LRRTM4: variants seen among roughly 807,000 people sequenced by gnomAD.
LRRTM4 encodes the protein leucine rich repeat transmembrane neuronal 4, also known as leucine-rich repeat transmembrane neuronal protein 4.
Under a neutral mutation model 47.6 loss-of-function variants are expected in LRRTM4, and 25 were observed. The ratio of observed to expected loss-of-function variants is 0.53; its 90% CI spans 0.38 to 0.73. The LOEUF is 0.73. Ranked by LOEUF, LRRTM4 falls within the 30% of genes least tolerant of loss-of-function variation. The pLI is 0.00. For synonymous variants in LRRTM4, 311 were observed against 269.5 expected, an observed-to-expected ratio of 1.15 and a Z score of -1.51; for missense variants, 638 against 713.4, an observed-to-expected ratio of 0.89 and a Z score of 1.20.
chr2:77,497,355 C>CT (rs1333923574), intron 3 of LRRTM4, among the ~76,000 whole-genome samples: 19 of 141,242 alleles, frequency 1.3e-4, no homozygotes, highest in Middle Eastern at 7.4e-3. Context: ...TTGATTTGCT[C>CT]TGTTTTTTTT....
At chr2:76,865,298 ACTAGGATTCC>A (rs1672433898) in intron 3 of LRRTM4, among the ~76,000 whole-genome samples, 1 of 152,136 alleles carries the variant, frequency 6.6e-6, no homozygotes, top group Non-Finnish European at 1.5e-5. Flanking sequence ...CTAACAACAC[ACTAGGATTCC>A]CTTTTCAGAA....
chr2:76,814,108 G>A (rs909941717), intron 3 of LRRTM4, among the ~76,000 whole-genome samples: 4 of 151,878 alleles, frequency 2.6e-5, no homozygotes, highest in Non-Finnish European at 5.9e-5. Context: ...CCTCAATTGG[G>A]ATTTTTCTTA....
intron 3 of LRRTM4, among the ~76,000 whole-genome samples, chr2:76,888,478 A>G (rs948424441): frequency 1.3e-5 from 2 of 151,618 alleles, no homozygotes; most frequent in South Asian, 4.1e-4. Flanking sequence ...ATATGTACTC[A>G]TAAGTTTTCC....
rs886954285 is a variant in LRRTM4 at position 76,780,897 on chromosome 2, A to G, written c.1552-31981T>C. ...TTCCCCGTCTTTGTGGTTTTTATCTACTTTTGGTCTTTGATGATGGTGATG... is the reference window on the plus strand; with the variant it reads ...TTCCCCGTCTTTGTGGTTTTTATCTGCTTTTGGTCTTTGATGATGGTGATG... On this transcript the variant is annotated intron_variant, in intron 3 of 3. Transcript: ENST00000409884. Among the ~76,000 whole-genome samples, 4 of 151,220 alleles carry G rather than the reference A, an allele frequency of 2.6e-5. 1 individual carries two copies. The highest frequency in any genetic ancestry group is 2.1e-4 in the South Asian group (1 of 4,792).
chr2:77,485,104 T>G (rs1385047416), intron 3 of LRRTM4, among the ~76,000 whole-genome samples: 3 of 152,108 alleles, frequency 2.0e-5, no homozygotes, highest in African/African-American at 7.2e-5. Flanking sequence ...ATTTAAAGTT[T>G]ATTTTGACAA....
In LRRTM4 at chr2:77,075,160, T is replaced by G. The variant is rs544037538; in HGVS notation, c.1552-326244A>C. The stretch of plus-strand genomic sequence containing the variant: ...TGTTTCTGCTAATACCTGGTAACTT[T>G]GAAGATGAAACAGATCAATGTCAAG... On this transcript the variant is annotated intron_variant, in intron 3 of 3. Transcript: ENST00000409884. 2.5e-4 allele frequency among the ~76,000 whole-genome samples: 38 copies of G among 152,336 alleles called. 1 individual carries two copies. Among genetic ancestry groups the G allele is most frequent in the African/African-American group, 8.7e-4 (36 of 41,582 alleles).
At chr2:77,021,680 C>T (rs894970489) in intron 3 of LRRTM4, among the ~76,000 whole-genome samples, 1 of 152,060 alleles carries the variant, frequency 6.6e-6, no homozygotes, top group Non-Finnish European at 1.5e-5. Context: ...CATGAGTTTA[C>T]CTTGGGGAGG....
intron 3 of LRRTM4, among the ~76,000 whole-genome samples, chr2:76,807,411 T>TATATATATACACAC (rs1558667282): frequency 7.6e-4 from 65 of 86,016 alleles, no homozygotes; most frequent in South Asian, 6.9e-3. Context: ...TATATACGTA[T>TATATATATACACAC]ATATATATAT....
chr2:77,024,838 G>A (rs570858717), intron 3 of LRRTM4, among the ~76,000 whole-genome samples: 2 of 152,224 alleles, frequency 1.3e-5, no homozygotes, highest in South Asian at 2.1e-4. Context: ...TTTCTCTAAG[G>A]ATGTCTGGAA....
chr2:76,780,121 C>G (rs560173691), intron 3 of LRRTM4, among the ~76,000 whole-genome samples: 49 of 152,232 alleles, frequency 3.2e-4, no homozygotes, highest in African/African-American at 9.6e-4. Context: ...GGGTTTCTGC[C>G]GAGAGATCCG....
chr2:77,418,935 C>A (rs917125880), intron 3 of LRRTM4, among the ~76,000 whole-genome samples: 1 of 152,150 alleles, frequency 6.6e-6, no homozygotes, highest in African/African-American at 2.4e-5. Flanking sequence ...GGCCAACAGA[C>A]TTTCAAGGTG....
chr2:77,230,010 AT>A (rs749547185), intron 3 of LRRTM4, among the ~76,000 whole-genome samples: 30 of 152,146 alleles, frequency 2.0e-4, no homozygotes, highest in Admixed American at 6.6e-5. Flanking sequence ...TGAAAAACAA[AT>A]AATACAGGAG....
At chr2:77,066,132 C>T (rs1679943138) in intron 3 of LRRTM4, among the ~76,000 whole-genome samples, 2 of 152,024 alleles carry the variant, frequency 1.3e-5, no homozygotes, top group Non-Finnish European at 1.5e-5. Context: ...TAGTATGAAG[C>T]AGAATAGCAT....
At chr2:76,985,000 G>A (rs1054764466) in intron 3 of LRRTM4, among the ~76,000 whole-genome samples, 2 of 151,830 alleles carry the variant, frequency 1.3e-5, no homozygotes, top group African/African-American at 4.8e-5. Flanking sequence ...GTTTCACTAC[G>A]ACAGCATTCT....
intron 3 of LRRTM4, among the ~76,000 whole-genome samples, chr2:77,151,644 G>A (rs1280672944): frequency 1.3e-5 from 2 of 152,092 alleles, no homozygotes; most frequent in African/African-American, 4.8e-5. Context: ...TGAACACAGA[G>A]AACATTAAAC....
intron 3 of LRRTM4, among the ~76,000 whole-genome samples, chr2:77,420,223 G>A (rs2103879603): frequency 6.6e-6 from 1 of 152,228 alleles, no homozygotes; most frequent in South Asian, 2.1e-4. Flanking sequence ...CTCACCATAG[G>A]GCAGTTTATA....
At chr2:76,953,904 A>C (rs1443454330) in intron 3 of LRRTM4, among the ~76,000 whole-genome samples, 1 of 151,906 alleles carries the variant, frequency 6.6e-6, no homozygotes, top group Admixed American at 6.6e-5. Flanking sequence ...TTATGACAGT[A>C]TCAGAGAACC....
chr2:77,022,660 C>G (rs1678314973), intron 3 of LRRTM4, among the ~76,000 whole-genome samples: 1 of 152,192 alleles, frequency 6.6e-6, no homozygotes, highest in Non-Finnish European at 1.5e-5. Context: ...GCAGGGCAAT[C>G]AAATATTAAA....
chr2:76,806,051 A>G (rs1006780154), intron 3 of LRRTM4, among the ~76,000 whole-genome samples: 1 of 152,168 alleles, frequency 6.6e-6, no homozygotes, highest in Admixed American at 6.5e-5. Context: ...GCTACAATCA[A>G]CGAAACTAAG....
Sources: gnomAD v4.1 joint callset for allele counts (sites outside exome capture counted in the v4.1 genomes callset) on GRCh38, gnomAD v4.1.1 for gene constraint, MANE v1.5 for transcripts, NCBI Gene and HGNC (gene_info 2026-07-23, HGNC 2026-07-21) for gene names.